The following NUFIP2 variants were observed in gnomAD, a reference collection of about 807,000 sequenced individuals.
NUFIP2 encodes the protein nuclear FMR1 interacting protein 2.
NUFIP2 carries 6 observed loss-of-function variants against 56.9 expected under a neutral mutation model. The observed-to-expected ratio is 0.11, with a 90% confidence interval of 0.06 to 0.21. The LOEUF (loss-of-function observed/expected upper bound fraction) is 0.21, where lower values mean the gene tolerates loss of function less well. Among genes scored for constraint, NUFIP2 ranks in the 10% least tolerant of loss-of-function variants. NUFIP2 has a pLI of 1.00. For synonymous variants in NUFIP2, 321 were observed against 298.2 expected, an observed-to-expected ratio of 1.08 and a Z score of -0.79; for missense variants, 828 against 826.8, an observed-to-expected ratio of 1.00 and a Z score of -0.02.
intron 1 of NUFIP2, among the ~76,000 whole-genome samples, chr17:29,288,671 A>G (rs2069192704): frequency 6.6e-6 from 1 of 152,144 alleles, no homozygotes; most frequent in East Asian, 1.9e-4. Flanking sequence ...AGACTTTAAG[A>G]GAGATGAAGT....
At chr17:29,265,443 C>T (rs2069029623) in intron 3 of NUFIP2, among the ~76,000 whole-genome samples, 1 of 146,604 alleles carries the variant, frequency 6.8e-6, no homozygotes. Context: ...GCTGGGACTA[C>T]AGGCGCCCGC....
At chr17:29,272,871 TGAGA>T (rs1215055812) in intron 2 of NUFIP2, among the ~76,000 whole-genome samples, 4 of 151,916 alleles carry the variant, frequency 2.6e-5, no homozygotes, top group African/African-American at 9.7e-5. Flanking sequence ...TTCTTTTTTT[TGAGA>T]GAGTCTTGCT....
At chr17:29,284,421 T>A (rs1481035077) in intron 2 of NUFIP2, among the ~76,000 whole-genome samples, 1 of 152,162 alleles carries the variant, frequency 6.6e-6, no homozygotes, top group East Asian at 1.9e-4. Flanking sequence ...GTGATTAACA[T>A]GAGGCCTGGC....
chr17:29,272,106 G>GAGGGC (rs2069077721), intron 2 of NUFIP2, among the ~76,000 whole-genome samples: 1 of 144,306 alleles, frequency 6.9e-6, no homozygotes, highest in Non-Finnish European at 1.5e-5. Context: ...GAGGGGAGGG[G>GAGGGC]AGAAGAGAAG....
At chr17:29,285,462 G>A (rs1007799599) in intron 2 of NUFIP2, among the ~76,000 whole-genome samples, 2 of 150,536 alleles carry the variant, frequency 1.3e-5, no homozygotes, top group Admixed American at 6.6e-5. Context: ...ATGGTGGTGC[G>A]TGCCTGTAAT....
intron 3 of NUFIP2, among the ~76,000 whole-genome samples, chr17:29,265,711 T>TAAAAAA (rs35098158): frequency 8.9e-6 from 1 of 112,154 alleles, no homozygotes; most frequent in Non-Finnish European, 1.8e-5. Flanking sequence ...TATACATGCT[T>TAAAAAA]AAAAAAAAAA....
rs2068986751 is a variant in NUFIP2 at position 29,259,017 on chromosome 17, T to C, written c.*5522A>G. The C allele has an allele frequency of 6.6e-6, 1 of 152,222 alleles. No individual in the cohort carries two copies. The allele number at this position is 152,222 out of a possible 1,614,324, so 9.4% of individuals were successfully genotyped here. On this transcript the variant is annotated 3_prime_UTR_variant, in exon 4 of 4. Coordinates refer to ENST00000225388, the MANE Select transcript of NUFIP2 (RefSeq NM_020772.3). ...AGGGTAAACTAAAGGCATTCATTCA[T>C]ATTTACATATTAAAACCACTTTTGT...
chr17:29,275,451 G>A (rs2069101905), intron 2 of NUFIP2, among the ~76,000 whole-genome samples: 1 of 152,152 alleles, frequency 6.6e-6, no homozygotes, highest in Non-Finnish European at 1.5e-5. Flanking sequence ...CCCCAGGAAG[G>A]TTATAGTAAA....
At chr17:29,276,666 G>A (rs1010723248) in intron 2 of NUFIP2, among the ~76,000 whole-genome samples, 3 of 152,048 alleles carry the variant, frequency 2.0e-5, no homozygotes, top group African/African-American at 4.8e-5. Context: ...CTTTCCATAT[G>A]TTTCACTATT....
rs1184264757 is a variant in NUFIP2 at position 29,261,459 on chromosome 17, G to A, written c.*3080C>T. 11 of 151,574 alleles carry A rather than the reference G, an allele frequency of 7.3e-5. No homozygotes were observed. Among genetic ancestry groups the A allele is most frequent in the Non-Finnish European group, 2.9e-5 (2 of 67,834 alleles). The allele number at this position is 151,574 out of a possible 1,614,324, so 9.4% of individuals were successfully genotyped here. A position where few individuals can be genotyped will look rare whatever the true frequency, so the allele number is the denominator to read the frequency against. ...CCCTTTTTCAGTCTTTATAATGGAGGGATGTTAAAAATCCCCTCTAGACTG... is the reference window on the plus strand; with the variant it reads ...CCCTTTTTCAGTCTTTATAATGGAGAGATGTTAAAAATCCCCTCTAGACTG... On this transcript the variant is annotated 3_prime_UTR_variant, in exon 4 of 4. Transcript: ENST00000225388.
intron 2 of NUFIP2, among the ~76,000 whole-genome samples, chr17:29,274,963 A>G (rs2069098250): frequency 1.3e-5 from 2 of 152,172 alleles, no homozygotes; most frequent in African/African-American, 4.8e-5. Context: ...AAGAGAATGA[A>G]TTCAATTTAA....
At chr17:29,282,392 T>C (rs1388960894) in intron 2 of NUFIP2, among the ~76,000 whole-genome samples, 1 of 151,476 alleles carries the variant, frequency 6.6e-6, no homozygotes, top group Non-Finnish European at 1.5e-5. Context: ...CTACTAAAAA[T>C]ACAAAATTAG....
At position 29,286,971 on chromosome 17, in the gene NUFIP2, T is replaced by G. The variant is rs755995139; in HGVS notation, c.1023A>C (p.Pro341=). The part of the protein sequence containing the change: ...EDSWTLFKPP[P]VFPVDNSSAK... ...CACTGCTATTGTCCACTGGAAAAACTGGGGGTGGTTTAAATAGGGTCCACG... is the reference window on the plus strand; with the variant it reads ...CACTGCTATTGTCCACTGGAAAAACGGGGGGTGGTTTAAATAGGGTCCACG... The change falls in exon 2 of 4, where the codon CCA becomes CCC. Residue 341 remains proline (P), a synonymous_variant. Transcript: ENST00000225388. 3.7e-6 allele frequency: 6 copies of G among 1,614,140 alleles called. No individual in the cohort carries two copies. The highest frequency in any genetic ancestry group is 4.2e-6 in the Non-Finnish European group (5 of 1,180,016).
chr17:29,272,196 A>C (rs1183978253), intron 2 of NUFIP2, among the ~76,000 whole-genome samples: 1 of 151,938 alleles, frequency 6.6e-6, no homozygotes, highest in East Asian at 1.9e-4. Context: ...CCTCAAAAAA[A>C]GGTTACAAAA....
intron 2 of NUFIP2, among the ~76,000 whole-genome samples, chr17:29,281,783 TAGA>T (rs1482743074): frequency 2.7e-5 from 4 of 150,288 alleles, no homozygotes; most frequent in African/African-American, 9.8e-5. Context: ...TTTTTTTTTT[TAGA>T]AGGAGCCTTG....
rs772560272 is a variant in NUFIP2 at position 29,287,166 on chromosome 17, C to T, written c.828G>A (p.Ser276=). The T allele has an allele frequency of 5.6e-6, 9 of 1,614,012 alleles. No individual in the cohort carries two copies. Among genetic ancestry groups the T allele is most frequent in the African/African-American group, 2.7e-5 (2 of 74,916 alleles). Residue 276 remains serine, a synonymous_variant, in exon 2 of 4, where the codon TCG becomes TCA. Coordinates refer to ENST00000225388, the MANE Select transcript of NUFIP2 (RefSeq NM_020772.3). The stretch of plus-strand genomic sequence containing the variant: ...CAGTTTCATACTTCCAAATGGGCTT[C>T]GAACCATCTACTCGATTTCCCTTTT... ...SEQKGNRVDG[S]KPIWKYETGP... is the part of the protein sequence containing the mutation.
Position 29,262,771 on chromosome 17 carries a change from T to C in NUFIP2, c.*1768A>G, listed in dbSNP as rs2069011253. 2.0e-5 allele frequency: 3 copies of C among 150,872 alleles called. No individual in the cohort carries two copies. The highest frequency in any genetic ancestry group is 6.6e-5 in the Admixed American group (1 of 15,074). The allele number at this position is 150,872 out of a possible 1,614,324, so 9.3% of individuals were successfully genotyped here. A position where few individuals can be genotyped will look rare whatever the true frequency, so the allele number is the denominator to read the frequency against. On this transcript the variant is annotated 3_prime_UTR_variant, in exon 4 of 4. Transcript: ENST00000225388. ...TATTATGTATAAAAAAAAGTTTTGT[T>C]TACATCAAGTGGAATTGGCAATCCA...
chr17:29,277,902 A>G (rs1180064367), intron 2 of NUFIP2, among the ~76,000 whole-genome samples: 1 of 152,088 alleles, frequency 6.6e-6, no homozygotes, highest in Admixed American at 6.6e-5. Flanking sequence ...AATCCCAGCT[A>G]CTCAGGAGGC....
chr17:29,281,751 C>T (rs2069141179), intron 2 of NUFIP2, among the ~76,000 whole-genome samples: 1 of 145,500 alleles, frequency 6.9e-6, no homozygotes, highest in African/African-American at 2.5e-5. Context: ...AGAATCCACA[C>T]AAATCCCGCC....
Sources: gnomAD v4.1 joint callset for allele counts (sites outside exome capture counted in the v4.1 genomes callset) on GRCh38, gnomAD v4.1.1 for gene constraint, MANE v1.5 for transcripts, NCBI Gene and HGNC (gene_info 2026-07-23, HGNC 2026-07-21) for gene names.